The following PLCH1 variants were observed in gnomAD, a reference collection of about 807,000 sequenced individuals.
The protein encoded by PLCH1 is phospholipase C eta 1, also known as 1-phosphatidylinositol 4,5-bisphosphate phosphodiesterase eta-1.
Under a neutral mutation model 126.7 loss-of-function variants are expected in PLCH1, and 60 were observed. The observed-to-expected ratio is 0.47, with a 90% confidence interval of 0.38 to 0.59. The LOEUF is 0.59. Among genes scored for constraint, PLCH1 ranks in the 20% least tolerant of loss-of-function variants. PLCH1 has a pLI of 0.00. For missense variants in PLCH1, 1,723 were observed against 2,040.0 expected (o/e 0.84, Z 2.99); for synonymous variants, 719 against 734.9 (o/e 0.98, Z 0.35).
chr3:155,626,889 C>T (rs780094236), intron 2 of PLCH1, among the ~76,000 whole-genome samples: 7 of 148,292 alleles, frequency 4.7e-5, no homozygotes, highest in Non-Finnish European at 1.0e-4. Context: ...ACAAGAATAT[C>T]TAATAAATAA....
At chr3:155,588,794 C>T (rs990252923) in intron 4 of PLCH1, among the ~76,000 whole-genome samples, 1 of 152,148 alleles carries the variant, frequency 6.6e-6, no homozygotes, top group South Asian at 2.1e-4. Flanking sequence ...CTTACTTGGC[C>T]TTGTGACAGT....
At chr3:155,586,437 T>C (rs1731385977) in intron 4 of PLCH1, among the ~76,000 whole-genome samples, 1 of 152,200 alleles carries the variant, frequency 6.6e-6, no homozygotes, top group Non-Finnish European at 1.5e-5. Context: ...CTGGGTGCAG[T>C]GGCTCATGCC....
chr3:155,481,945 G>T lies in PLCH1; in HGVS notation c.4081C>A (p.Leu1361Ile), dbSNP rs1353809374. 6.2e-7 allele frequency: 1 copy of T among 1,614,154 alleles called. No homozygotes were observed. The highest frequency in any genetic ancestry group is 8.5e-7 in the Non-Finnish European group (1 of 1,180,022). The change falls in exon 23 of 23, where the codon CTT (leucine) becomes ATT (isoleucine). Residue 1361 changes from leucine to isoleucine, a missense_variant. Leu to Ile is a conservative substitution (Grantham distance 5). Around this residue, in one of 2 missense-constraint regions of PLCH1, gnomAD observed 947 missense variants for 977.1 expected, o/e 0.97. Transcript: ENST00000460012. The surrounding 1 kb of genome is among the most constrained non-coding windows in gnomAD (Gnocchi z 4.2). ...CTATATTCACAGGTTGTTAGAGAAA[G>T]ATTTTCTGATTCTCCATCAATTTCC... The part of the protein sequence containing the change: ...LVEIDGESEN[L>I]SLTTCEYRRE...
chr3:155,713,974 G>A (rs1192623856), intron 1 of PLCH1, among the ~76,000 whole-genome samples: 3 of 152,086 alleles, frequency 2.0e-5, no homozygotes, highest in Non-Finnish European at 4.4e-5. Context: ...AACTTACATG[G>A]AGAAGTGCTC....
chr3:155,613,977 A>G (rs1250702960), intron 2 of PLCH1, among the ~76,000 whole-genome samples: 1 of 152,232 alleles, frequency 6.6e-6, no homozygotes, highest in African/African-American at 2.4e-5. Flanking sequence ...AATGTACACA[A>G]ATCAGTAGCA....
At chr3:155,610,963 A>C (rs1359189401) in intron 2 of PLCH1, among the ~76,000 whole-genome samples, 1 of 152,254 alleles carries the variant, frequency 6.6e-6, no homozygotes, top group African/African-American at 2.4e-5. Flanking sequence ...TGCTGGTTTT[A>C]AGAGACTTAC....
intron 1 of PLCH1, among the ~76,000 whole-genome samples, chr3:155,727,272 GC>G (rs1336834274): frequency 6.6e-6 from 1 of 151,452 alleles, no homozygotes; most frequent in East Asian, 1.9e-4. Context: ...ATGCTCATTT[GC>G]CTTTTAATTT....
intron 8 of PLCH1, 37 bp from the exon 9 acceptor site, chr3:155,554,233 T>A (rs774828700): frequency 6.3e-7 from 1 of 1,595,466 alleles, no homozygotes; most frequent in East Asian, 2.2e-5. Flanking sequence ...CAACCCAAAG[T>A]CTCTGGTGTT....
chr3:155,595,977 A>AATATAT (rs10587508), intron 3 of PLCH1, among the ~76,000 whole-genome samples: 4 of 149,960 alleles, frequency 2.7e-5, no homozygotes, highest in African/African-American at 9.8e-5. Flanking sequence ...ATTCCAACTA[A>AATATAT]ATATATATAT....
intron 19 of PLCH1, among the ~76,000 whole-genome samples, chr3:155,490,273 TC>T (rs1327429886): frequency 2.0e-5 from 3 of 152,188 alleles, no homozygotes; most frequent in African/African-American, 7.2e-5. Flanking sequence ...AAGAAAAATT[TC>T]TTTATATTAT....
intron 6 of PLCH1, among the ~76,000 whole-genome samples, chr3:155,576,873 A>T (rs1334067175): frequency 6.6e-6 from 1 of 152,220 alleles, no homozygotes; most frequent in African/African-American, 2.4e-5. Context: ...ATACAGAGCT[A>T]TTTTCTTAGG....
At chr3:155,541,599 T>C (rs146753479) in intron 10 of PLCH1, among the ~76,000 whole-genome samples, 1 of 152,138 alleles carries the variant, frequency 6.6e-6, no homozygotes, top group African/African-American at 2.4e-5. Flanking sequence ...TGCCATCTTA[T>C]ATAGGCAGGG....
At chr3:155,630,364 T>C (rs1421775142) in intron 2 of PLCH1, among the ~76,000 whole-genome samples, 9 of 152,374 alleles carry the variant, frequency 5.9e-5, no homozygotes, top group African/African-American at 2.2e-4. Context: ...TTTTAATCGA[T>C]TTGTGTTACT....
At chr3:155,541,953 G>C (rs1039865203) in intron 10 of PLCH1, among the ~76,000 whole-genome samples, 3 of 152,220 alleles carry the variant, frequency 2.0e-5, no homozygotes, top group African/African-American at 7.2e-5. Context: ...CCCAGCATGA[G>C]CAACGCAGAA....
chr3:155,461,209 T>C (rs749950373), intron 21 of PLCH1, among the ~76,000 whole-genome samples: 2 of 152,186 alleles, frequency 1.3e-5, no homozygotes, highest in Non-Finnish European at 1.5e-5. Flanking sequence ...ATAAAGAGAA[T>C]AGATCAATCA....
chr3:155,623,000 C>A (rs1736719261), intron 2 of PLCH1, among the ~76,000 whole-genome samples: 1 of 152,090 alleles, frequency 6.6e-6, no homozygotes, highest in South Asian at 2.1e-4. Flanking sequence ...TAAAATTGAC[C>A]ATATAATTGG....
chr3:155,661,639 G>A (rs987488372), intron 2 of PLCH1, among the ~76,000 whole-genome samples: 7 of 152,018 alleles, frequency 4.6e-5, no homozygotes, highest in African/African-American at 1.7e-4. Context: ...CCAGACCTCT[G>A]AATAAAGAAG....
intron 2 of PLCH1, among the ~76,000 whole-genome samples, chr3:155,668,180 A>G (rs924202899): frequency 1.6e-4 from 24 of 152,036 alleles, no homozygotes; most frequent in African/African-American, 5.6e-4. Context: ...GTAACAATCA[A>G]CAAGTTGAGA....
chr3:155,501,618 A>C (rs1353393383), intron 13 of PLCH1, among the ~76,000 whole-genome samples: 1 of 152,056 alleles, frequency 6.6e-6, no homozygotes, highest in East Asian at 1.9e-4. Flanking sequence ...AAAATGGTGA[A>C]ACCTCATCTC....
Sources: allele counts gnomAD v4.1 joint callset (sites outside exome capture counted in the v4.1 genomes callset), GRCh38; gene constraint gnomAD v4.1.1; regional missense constraint gnomAD v4.1.1; non-coding constraint Gnocchi (gnomAD v3.1); transcripts MANE v1.5; gene names NCBI Gene and HGNC (gene_info 2026-07-23, HGNC 2026-07-21).